The following AUNIP variants were observed in gnomAD, a reference collection of about 807,000 sequenced individuals.
AUNIP encodes the protein aurora kinase A and ninein interacting protein.
Under a neutral mutation model 12.2 loss-of-function variants are expected in AUNIP, and 16 were observed. The ratio of observed to expected loss-of-function variants is 1.31; its 90% CI spans 0.88 to 1.99. The LOEUF (loss-of-function observed/expected upper bound fraction) is 1.99, where lower values mean the gene tolerates loss of function less well. Ranked by LOEUF, AUNIP falls within the 30% of genes most tolerant of loss-of-function variation. AUNIP has a pLI of 0.00. For synonymous variants in AUNIP, 142 were observed against 154.8 expected (o/e 0.92, Z 0.61); for missense variants, 411 against 419.1 (o/e 0.98, Z 0.17).
intron 2 of AUNIP, 128 bp downstream of exon 2, chr1:25,837,285 C>T: frequency 8.5e-7 from 1 of 1,172,658 alleles, no homozygotes; most frequent in Non-Finnish European, 1.2e-6. Flanking sequence ...TTTATAACCT[C>T]TTCTAACAGG....
chr1:25,837,742 T>C (rs1263062416), intron 1 of AUNIP, among the ~76,000 whole-genome samples, 188 bp from the exon 2 acceptor site: 1 of 152,204 alleles, frequency 6.6e-6, no homozygotes, highest in African/African-American at 2.4e-5. Flanking sequence ...GGTGTTTTTC[T>C]CAGGAATCAC....
At position 25,835,088 on chromosome 1, in the gene AUNIP, G is replaced by C. The variant is rs756706513; in HGVS notation, c.979C>G (p.Gln327Glu). 2.5e-6 allele frequency: 4 copies of C among 1,614,228 alleles called. No individual in the cohort carries two copies. The East Asian group carries it at 8.9e-5, about 36-fold the overall frequency. Reference protein sequence around the residue: ...LGPFPNSPWAQCQEDGPTQNL... With the variant: ...LGPFPNSPWAECQEDGPTQNL... ...TGAGTTGGCCCATCCTCCTGGCACT[G>C]AGCCCAAGGACTGTTAGGAAACGGC... Residue 327 changes from glutamine (Q) to glutamate (E), a missense_variant, in exon 3 of 3, where the codon CAG becomes GAG. Transcript: ENST00000374298.
At chr1:25,832,491 A>ATCT (rs1319078491), downstream of AUNIP, 6 of 300,710 alleles carry the variant, frequency 2.0e-5, no homozygotes, top group East Asian at 4.0e-4. Context: ...GGCACGGAAA[A>ATCT]TCTTATGCTG....
intron 1 of AUNIP, among the ~76,000 whole-genome samples, chr1:25,841,921 T>A (rs1438883528): frequency 6.6e-6 from 1 of 152,204 alleles, no homozygotes; most frequent in Non-Finnish European, 1.5e-5. Flanking sequence ...GTTGTGCATG[T>A]TTTGACTGTT....
Position 25,841,715 on chromosome 1 carries a change from G to A in AUNIP, c.79-4161C>T, listed in dbSNP as rs1031225644. Among the ~76,000 whole-genome samples, 6 of 151,900 alleles carry A rather than the reference G, an allele frequency of 3.9e-5. No homozygotes were observed. The South Asian group carries it at 1.0e-3, about 26-fold the overall frequency. On this transcript the variant is annotated intron_variant, in intron 1 of 2. Coordinates refer to ENST00000374298, the MANE Select transcript of AUNIP (RefSeq NM_024037.3). ...ATTTTTTTGTATTTTTAGTAGAGAC[G>A]GGGTTTCACTGTGTTGGCCAGGATG... is the stretch of plus-strand genomic sequence containing the variant.
At chr1:25,832,335 T>C (rs567522064), downstream of AUNIP, 4 of 686,268 alleles carry the variant, frequency 5.8e-6, no homozygotes, top group East Asian at 1.1e-4. Context: ...TGAAAATAGG[T>C]CCTAAATGAC....
At chr1:25,840,001 A>G (rs2048338305) in intron 1 of AUNIP, among the ~76,000 whole-genome samples, 1 of 152,150 alleles carries the variant, frequency 6.6e-6, no homozygotes, top group Non-Finnish European at 1.5e-5. Flanking sequence ...CAGATACTTA[A>G]TGTAGCACTT....
intron 1 of AUNIP, among the ~76,000 whole-genome samples, chr1:25,850,031 G>A (rs551739641): frequency 6.6e-6 from 1 of 151,910 alleles, no homozygotes; most frequent in African/African-American, 2.4e-5. Context: ...ACGCTGCTAA[G>A]AACATTTGTG....
Position 25,835,460 on chromosome 1 carries a change from C to T in AUNIP, c.607G>A (p.Glu203Lys). Reference protein sequence around the residue: ...DSARKWEWLHESKKNYQSMEK... With the variant: ...DSARKWEWLHKSKKNYQSMEK... ...ATACTCTGATAGTTCTTCTTAGACT[C>T]ATGAAGCCATTCCCATTTCCTGGCA... The change falls in exon 3 of 3, where the codon GAG becomes AAG. Residue 203 changes from glutamate to lysine, a missense_variant. Glu to Lys is a moderately conservative substitution (Grantham distance 56, BLOSUM62 1). Coordinates refer to ENST00000374298, the MANE Select transcript of AUNIP (RefSeq NM_024037.3). 6.2e-7 allele frequency: 1 copy of T among 1,614,214 alleles called. No individual in the cohort carries two copies. Among genetic ancestry groups the T allele is most frequent in the Middle Eastern group, 1.6e-4 (1 of 6,062 alleles).
At chr1:25,845,126 C>T (rs1429265069) in intron 1 of AUNIP, among the ~76,000 whole-genome samples, 1 of 152,220 alleles carries the variant, frequency 6.6e-6, no homozygotes, top group African/African-American at 2.4e-5. Flanking sequence ...TGAAAACACA[C>T]TACCTTAGTT....
chr1:25,856,163 G>A (rs1377405932), intron 1 of AUNIP, among the ~76,000 whole-genome samples: 4 of 151,324 alleles, frequency 2.6e-5, no homozygotes, highest in African/African-American at 4.9e-5. Context: ...CCAGGAGTTC[G>A]AGACCAGCCT....
intron 1 of AUNIP, among the ~76,000 whole-genome samples, chr1:25,856,452 G>A (rs1338184768): frequency 6.6e-6 from 1 of 151,850 alleles, no homozygotes; most frequent in East Asian, 1.9e-4. Context: ...GAGGCAGGTG[G>A]ATCACCTCAG....
chr1:25,833,290 T>A (rs1004265170), downstream of AUNIP, among the ~76,000 whole-genome samples: 1 of 151,808 alleles, frequency 6.6e-6, no homozygotes, highest in Admixed American at 6.6e-5. Context: ...AATTTTTAAA[T>A]TTTTTTGTAG....
Position 25,834,729 on chromosome 1 carries a change from C to A in AUNIP, c.*264G>T, listed in dbSNP as rs571187562. On this transcript the variant is annotated 3_prime_UTR_variant, in exon 3 of 3. Transcript: ENST00000374298. Reference sequence around the variant, plus strand: ...AAAGGCACTTTCATAGAGATAAATACCCACTGTGCTGCCTCAGTGTTCATC... The same window carrying A: ...AAAGGCACTTTCATAGAGATAAATAACCACTGTGCTGCCTCAGTGTTCATC... 3.9e-6 allele frequency: 5 copies of A among 1,290,542 alleles called. No homozygotes were observed. Among genetic ancestry groups the A allele is most frequent in the East Asian group, 3.1e-5 (1 of 31,840 alleles). The allele number at this position is 1,290,542 out of a possible 1,614,324, so 79.9% of individuals were successfully genotyped here. A position where few individuals can be genotyped will look rare whatever the true frequency, so the allele number is the denominator to read the frequency against.
intron 1 of AUNIP, among the ~76,000 whole-genome samples, chr1:25,844,082 G>C (rs923178134): frequency 6.6e-6 from 1 of 152,144 alleles, no homozygotes; most frequent in Admixed American, 6.5e-5. Flanking sequence ...GAAAGGAAGA[G>C]TCATCGAGGC....
At chr1:25,844,788 C>T (rs1435831727) in intron 1 of AUNIP, among the ~76,000 whole-genome samples, 1 of 152,136 alleles carries the variant, frequency 6.6e-6, no homozygotes, top group Non-Finnish European at 1.5e-5. Flanking sequence ...AGGGCCCCTA[C>T]TCATTCTCCT....
At chr1:25,853,944 A>G (rs2048440607) in intron 1 of AUNIP, among the ~76,000 whole-genome samples, 1 of 152,164 alleles carries the variant, frequency 6.6e-6, no homozygotes, top group Non-Finnish European at 1.5e-5. Context: ...GGCCCGGCGC[A>G]GTGGCTCACG....
chr1:25,843,185 A>AATATATATAT (rs1342427424), intron 1 of AUNIP, among the ~76,000 whole-genome samples: 1,715 of 124,874 alleles, frequency 0.014, 20 homozygotes, highest in Non-Finnish European at 0.023. Flanking sequence ...AAAAAAAAAA[A>AATATATATAT]ATATATATAT....
At chr1:25,843,010 G>A (rs922986311) in intron 1 of AUNIP, among the ~76,000 whole-genome samples, 12 of 151,812 alleles carry the variant, frequency 7.9e-5, no homozygotes, top group African/African-American at 1.5e-4. Context: ...GTGAGACTCC[G>A]TCTCTACAAA....
Sources: gnomAD v4.1 joint callset for allele counts (sites outside exome capture counted in the v4.1 genomes callset) on GRCh38, gnomAD v4.1.1 for gene constraint, MANE v1.5 for transcripts, NCBI Gene and HGNC (gene_info 2026-07-23, HGNC 2026-07-21) for gene names.